The following EVC2 variants were observed in gnomAD, a reference collection of about 807,000 sequenced individuals.
The protein encoded by EVC2 is EvC ciliary complex subunit 2, also known as limbin.
Under a neutral mutation model 149.3 loss-of-function variants are expected in EVC2, and 148 were observed. The ratio of observed to expected loss-of-function variants is 0.99; its 90% confidence interval spans 0.87 to 1.14. The LOEUF (loss-of-function observed/expected upper bound fraction) is 1.14. Among genes scored for constraint, EVC2 ranks in the 50% most tolerant of loss-of-function variants. The pLI is 0.00. For synonymous variants in EVC2, 776 were observed against 649.9 expected (o/e 1.19, Z -2.95); for missense variants, 1,854 against 1,627.3 (o/e 1.14, Z -2.40).
In EVC2 at chr4:5,631,776, C is replaced by G. The variant is rs371154972; in HGVS notation, c.1710+17G>C. ...CAGAAAAATTACTTTTCCATCACAG[C>G]GAGGCTGATGTATTACCTGTATTTT... On this transcript the variant is annotated intron_variant, in intron 11 of 21. Transcript: ENST00000344408. 4 of 1,613,122 alleles carry G rather than the reference C, an allele frequency of 2.5e-6. No homozygotes were observed. The South Asian group carries it at 4.4e-5, about 18-fold the overall frequency.
chr4:5,558,652 AAATGT>A (rs1325920857), downstream of EVC2, among the ~76,000 whole-genome samples: 8 of 152,368 alleles, frequency 5.3e-5, no homozygotes, highest in Non-Finnish European at 1.2e-4. Context: ...ACTGCATTTC[AAATGT>A]AAGAAACAAC....
At chr4:5,561,170 T>G (rs73072223), downstream of EVC2, among the ~76,000 whole-genome samples, 387 of 152,322 alleles carry the variant, frequency 2.5e-3, no homozygotes, top group African/African-American at 7.6e-3. Context: ...AGCAGGAAAT[T>G]ATCAGAAATG....
intron 1 of EVC2, 141 bp downstream of exon 1, chr4:5,708,145 G>A: frequency 1.0e-5 from 7 of 702,966 alleles, no homozygotes; most frequent in Non-Finnish European, 1.5e-5. Flanking sequence ...ATACACCTAA[G>A]GGCCGCGAAG....
At chr4:5,584,508 A>G in intron 17 of EVC2, 115 bp downstream of exon 17, 2 of 1,084,084 alleles carry the variant, frequency 1.8e-6, no homozygotes, top group Non-Finnish European at 2.7e-6. Context: ...CCTCACCACA[A>G]CCCCACAGCA....
chr4:5,577,437 T>TTG (rs1723000574), intron 17 of EVC2, among the ~76,000 whole-genome samples: 1 of 152,082 alleles, frequency 6.6e-6, no homozygotes, highest in Non-Finnish European at 1.5e-5. Context: ...ATTTACCAGA[T>TTG]TGGTCAGTAC....
intron 7 of EVC2, among the ~76,000 whole-genome samples, chr4:5,668,559 T>C (rs553097310): frequency 1.4e-4 from 22 of 152,252 alleles, no homozygotes; most frequent in Non-Finnish European, 2.8e-4. Flanking sequence ...AAAAAATCGA[T>C]AAGCTGAATA....
At chr4:5,626,938 G>GC (rs1349982967) in intron 12 of EVC2, among the ~76,000 whole-genome samples, 2 of 152,204 alleles carry the variant, frequency 1.3e-5, no homozygotes, top group African/African-American at 4.8e-5. Context: ...GCTTTCCTGG[G>GC]TCTCCAGCTT....
At chr4:5,608,496 G>A (rs1277139802) in intron 16 of EVC2, among the ~76,000 whole-genome samples, 5 of 152,114 alleles carry the variant, frequency 3.3e-5, no homozygotes, top group Admixed American at 6.6e-5. Context: ...GGGTGTGTCT[G>A]TGTGGATGTT....
chr4:5,645,990 C>T (rs1270337297), intron 9 of EVC2, among the ~76,000 whole-genome samples: 4 of 152,114 alleles, frequency 2.6e-5, no homozygotes, highest in African/African-American at 7.2e-5. Context: ...AGTGCAATGG[C>T]GTGATCTTGG....
intron 9 of EVC2, among the ~76,000 whole-genome samples, chr4:5,651,114 G>A (rs1398253748): frequency 6.6e-6 from 1 of 152,144 alleles, no homozygotes; most frequent in East Asian, 1.9e-4. Context: ...ATGGATAGAC[G>A]ACAGACGGAG....
At chr4:5,575,098 C>T (rs937746988) in intron 18 of EVC2, among the ~76,000 whole-genome samples, 1 of 152,122 alleles carries the variant, frequency 6.6e-6, no homozygotes, top group African/African-American at 2.4e-5. Context: ...ATGGTGATGA[C>T]CAAGAAGACC....
intron 21 of EVC2, among the ~76,000 whole-genome samples, chr4:5,548,570 T>C (rs1024024003): frequency 6.6e-6 from 1 of 151,976 alleles, no homozygotes; most frequent in South Asian, 2.1e-4. Context: ...GCAGAGAGTG[T>C]CTGCAGAAAA....
intron 9 of EVC2, among the ~76,000 whole-genome samples, chr4:5,646,406 T>C (rs1174248823): frequency 1.3e-5 from 2 of 152,152 alleles, no homozygotes; most frequent in South Asian, 4.1e-4. Flanking sequence ...GGCTTTTTTT[T>C]CCTTGGGAGA....
chr4:5,550,345 CA>C (rs1721712096), intron 21 of EVC2, among the ~76,000 whole-genome samples: 1 of 152,132 alleles, frequency 6.6e-6, no homozygotes, highest in Admixed American at 6.5e-5. Context: ...GAGGTGGTCT[CA>C]GATGGAGATG....
rs1162164722 is a variant in EVC2 at position 5,691,334 on chromosome 4, C to A, written c.451-1G>T. On this transcript the variant is annotated splice_acceptor_variant, in intron 3 of 21. Coordinates refer to ENST00000344408, the MANE Select transcript of EVC2 (RefSeq NM_147127.5). LOFTEE classifies it high-confidence loss of function. ...GAACTTCTCTTGAAATGTCCCCATA[C>A]TACAATAAAATGTAAAAGTTATTAG... is the stretch of plus-strand genomic sequence containing the variant. 2 of 1,610,070 alleles carry A rather than the reference C, an allele frequency of 1.2e-6. No individual in the cohort carries two copies. The highest frequency in any genetic ancestry group is 1.7e-6 in the Non-Finnish European group (2 of 1,176,640).
chr4:5,649,262 T>C (rs1717945794), intron 9 of EVC2, among the ~76,000 whole-genome samples: 1 of 152,180 alleles, frequency 6.6e-6, no homozygotes, highest in Non-Finnish European at 1.5e-5. Context: ...AAGATGAACA[T>C]ATTTTCTCTG....
intron 11 of EVC2, 65 bp from the exon 12 acceptor site, chr4:5,628,799 A>G (rs1273934900): frequency 6.8e-7 from 1 of 1,473,848 alleles, no homozygotes; most frequent in Non-Finnish European, 9.3e-7. Flanking sequence ...ATCTTTCTAG[A>G]CATTTAAAAT....
intron 1 of EVC2, among the ~76,000 whole-genome samples, chr4:5,707,822 AG>A (rs1397536055): frequency 2.0e-5 from 3 of 152,050 alleles, no homozygotes; most frequent in Non-Finnish European, 4.4e-5. Flanking sequence ...CAGCCAGGAG[AG>A]TTCAGTCACC....
Position 5,596,171 on chromosome 4 carries a change from G to T in EVC2, c.2830-11321C>A, listed in dbSNP as rs535055560. 7.1e-3 allele frequency among the ~76,000 whole-genome samples: 1,074 copies of T among 152,196 alleles called. 5 individuals carry two copies. Among genetic ancestry groups the T allele is most frequent in the Non-Finnish European group, 0.012 (835 of 68,026 alleles). ...ATTAGACATATCAACAAGACAGAAA[G>T]TTAACAAGGATACCCAGGAACTGAA... On this transcript the variant is annotated intron_variant, in intron 16 of 21. Transcript: ENST00000344408.
Sources: allele counts gnomAD v4.1 joint callset (sites outside exome capture counted in the v4.1 genomes callset), GRCh38; gene constraint gnomAD v4.1.1; transcripts MANE v1.5; gene names NCBI Gene and HGNC (gene_info 2026-07-23, HGNC 2026-07-21).